The following EXOC6B variants were observed in gnomAD, a reference collection of about 807,000 sequenced individuals.
EXOC6B encodes SEC15 homolog B.
Under a neutral mutation model 113.5 loss-of-function variants are expected in EXOC6B, and 54 were observed. The ratio of observed to expected loss-of-function variants is 0.48; its 90% confidence interval spans 0.38 to 0.60. The LOEUF (loss-of-function observed/expected upper bound fraction) is 0.60. Ranked by LOEUF, EXOC6B falls within the 20% of genes least tolerant of loss-of-function variation. The pLI is 0.00. For synonymous variants in EXOC6B, 357 were observed against 339.0 expected (o/e 1.05, Z -0.58); for missense variants, 797 against 977.5 (o/e 0.82, Z 2.46).
chr2:72,684,743 G>T (rs912471080), intron 6 of EXOC6B, among the ~76,000 whole-genome samples: 1 of 152,156 alleles, frequency 6.6e-6, no homozygotes, highest in African/African-American at 2.4e-5. Context: ...CCATTTATAT[G>T]AAGTTCTACA....
chr2:72,325,409 G>A (rs1192998563), intron 20 of EXOC6B, among the ~76,000 whole-genome samples: 1 of 151,900 alleles, frequency 6.6e-6, no homozygotes, highest in South Asian at 2.1e-4. Context: ...TCAGAGGATC[G>A]ATCTCCCTAA....
intron 19 of EXOC6B, among the ~76,000 whole-genome samples, chr2:72,370,853 G>A (rs1690959504): frequency 6.7e-6 from 1 of 148,536 alleles, no homozygotes; most frequent in Non-Finnish European, 1.5e-5. Flanking sequence ...CACACACTGG[G>A]GCCTGTTGTG....
At chr2:72,707,866 G>C (rs1678990089) in intron 6 of EXOC6B, among the ~76,000 whole-genome samples, 1 of 152,058 alleles carries the variant, frequency 6.6e-6, no homozygotes, top group Admixed American at 6.5e-5. Context: ...AGGTGAGAAA[G>C]AGACATTAAT....
chr2:72,715,669 TTG>T (rs1023830090), intron 6 of EXOC6B, among the ~76,000 whole-genome samples: 2 of 152,056 alleles, frequency 1.3e-5, no homozygotes, highest in African/African-American at 4.8e-5. Flanking sequence ...GCAGAGAATA[TTG>T]TTTGTCTCTG....
chr2:72,385,630 A>C (rs765530443), intron 18 of EXOC6B, among the ~76,000 whole-genome samples: 5 of 152,186 alleles, frequency 3.3e-5, no homozygotes, highest in African/African-American at 4.8e-5. Context: ...AGGAGTTAAC[A>C]TCCAAACTAT....
intron 20 of EXOC6B, among the ~76,000 whole-genome samples, chr2:72,258,562 G>T (rs528411107): frequency 2.0e-5 from 3 of 151,314 alleles, no homozygotes; most frequent in Admixed American, 2.0e-4. Flanking sequence ...AGAGATAAGG[G>T]TCTCCCTATG....
chr2:72,624,008 C>CA (rs1671900932), intron 6 of EXOC6B, among the ~76,000 whole-genome samples: 1 of 152,110 alleles, frequency 6.6e-6, no homozygotes, highest in South Asian at 2.1e-4. Context: ...TAGCAGATAA[C>CA]AAAAAACTAA....
chr2:72,384,518 G>A (rs996285112), intron 18 of EXOC6B, among the ~76,000 whole-genome samples: 5 of 151,888 alleles, frequency 3.3e-5, no homozygotes, highest in African/African-American at 1.2e-4. Context: ...TGCTAGTCAC[G>A]GTAGTTAGTC....
chr2:72,329,222 T>G (rs1688300208), intron 20 of EXOC6B, among the ~76,000 whole-genome samples: 1 of 152,100 alleles, frequency 6.6e-6, no homozygotes, highest in Non-Finnish European at 1.5e-5. Context: ...AAAACTACAG[T>G]TCATCTCCCA....
chr2:72,368,529 C>T (rs1270041330), intron 19 of EXOC6B, among the ~76,000 whole-genome samples: 3 of 152,162 alleles, frequency 2.0e-5, no homozygotes, highest in Non-Finnish European at 4.4e-5. Context: ...CCAGCATCAT[C>T]CTGATACTAA....
At chr2:72,338,481 CA>C (rs1337687389) in intron 19 of EXOC6B, among the ~76,000 whole-genome samples, 1 of 151,930 alleles carries the variant, frequency 6.6e-6, no homozygotes, top group Non-Finnish European at 1.5e-5. Flanking sequence ...TATTTATAGG[CA>C]CTATTTAATT....
intron 20 of EXOC6B, among the ~76,000 whole-genome samples, chr2:72,293,149 C>A (rs573403011): frequency 7.9e-4 from 121 of 152,254 alleles, no homozygotes; most frequent in African/African-American, 2.8e-3. Flanking sequence ...TATGTCCCCA[C>A]CAGCACTGTA....
chr2:72,572,999 C>G (rs1216807183), intron 7 of EXOC6B, among the ~76,000 whole-genome samples: 1 of 152,130 alleles, frequency 6.6e-6, no homozygotes, highest in Non-Finnish European at 1.5e-5. Flanking sequence ...CAAGTACATT[C>G]TTACAGTACT....
chr2:72,741,113 A>G (rs549584940), intron 2 of EXOC6B, among the ~76,000 whole-genome samples, 191 bp downstream of exon 2: 58 of 151,742 alleles, frequency 3.8e-4, no homozygotes, highest in South Asian at 1.0e-3. Flanking sequence ...CAAAAAAAAA[A>G]GGGGGGGTGG....
At chr2:72,617,922 C>A (rs371634292) in intron 6 of EXOC6B, among the ~76,000 whole-genome samples, 21 of 152,160 alleles carry the variant, frequency 1.4e-4, no homozygotes, top group African/African-American at 4.6e-4. Context: ...TTTTTTTAGA[C>A]CCTGTTTCAC....
intron 6 of EXOC6B, among the ~76,000 whole-genome samples, chr2:72,589,435 G>A (rs940434493): frequency 3.3e-5 from 5 of 151,712 alleles, no homozygotes; most frequent in Admixed American, 1.3e-4. Context: ...AAAGTATTAC[G>A]AAGTGCTCTG....
chr2:72,553,213 A>G (rs915015501), intron 8 of EXOC6B, among the ~76,000 whole-genome samples: 2 of 152,098 alleles, frequency 1.3e-5, no homozygotes, highest in Non-Finnish European at 2.9e-5. Context: ...TAGAAAATAA[A>G]GTAGAAAACC....
intron 20 of EXOC6B, chr2:72,289,122 A>G: frequency 3.7e-6 from 1 of 269,132 alleles, no homozygotes; most frequent in South Asian, 5.3e-5. Flanking sequence ...CTAGAGATGT[A>G]ATACATATTT....
intron 20 of EXOC6B, among the ~76,000 whole-genome samples, chr2:72,227,360 G>A (rs184500691): frequency 4.6e-5 from 7 of 151,992 alleles, no homozygotes; most frequent in Non-Finnish European, 8.8e-5. Context: ...AATAAAAAGG[G>A]TCACTACACA....
Sources: gnomAD v4.1 joint callset for allele counts (sites outside exome capture counted in the v4.1 genomes callset) on GRCh38, gnomAD v4.1.1 for gene constraint, MANE v1.5 for transcripts, NCBI Gene and HGNC (gene_info 2026-07-23, HGNC 2026-07-21) for gene names.